RBFOX1: variants seen among roughly 807,000 people sequenced by gnomAD.
RBFOX1 encodes RNA binding fox-1 homolog 1.
Under a neutral mutation model 57.7 loss-of-function variants are expected in RBFOX1, and 8 were observed. That is an observed-to-expected ratio of 0.14 (90% CI 0.08 to 0.25). The LOEUF (loss-of-function observed/expected upper bound fraction) is 0.25. RBFOX1 is among the 10% of genes least tolerant of loss of function. The pLI is 1.00. For synonymous variants in RBFOX1, 326 were observed against 222.4 expected (o/e 1.47, Z -4.15); for missense variants, 611 against 548.5 (o/e 1.11, Z -1.14).
At chr16:7,333,784 A>G (rs1469242829) in intron 4 of RBFOX1, among the ~76,000 whole-genome samples, 5 of 151,578 alleles carry the variant, frequency 3.3e-5, no homozygotes, top group Admixed American at 2.6e-4. Flanking sequence ...TTTCCCCCTC[A>G]TCATAAGGTT....
chr16:5,467,111 C>T (rs1172911280), intron 1 of RBFOX1: 1 of 1,266,402 alleles, frequency 7.9e-7, no homozygotes, highest in Non-Finnish European at 1.1e-6. Flanking sequence ...ATAAAACATT[C>T]TTTTTTAAAT....
intron 3 of RBFOX1, among the ~76,000 whole-genome samples, chr16:5,832,779 A>T (rs2056324825): frequency 6.6e-6 from 1 of 152,198 alleles, no homozygotes; most frequent in South Asian, 2.1e-4. Context: ...AACAGGAACC[A>T]AAGATGTTCT....
chr16:6,636,444 A>G (rs981302714), intron 2 of RBFOX1, among the ~76,000 whole-genome samples: 8 of 152,114 alleles, frequency 5.3e-5, no homozygotes, highest in African/African-American at 9.7e-5. Flanking sequence ...TGCTGGGATT[A>G]CAGGCGTGAG....
At chr16:6,691,009 A>G (rs903214405) in intron 3 of RBFOX1, among the ~76,000 whole-genome samples, 1 of 152,170 alleles carries the variant, frequency 6.6e-6, no homozygotes. Context: ...AACAAGTACC[A>G]GCGCTTGCAG....
chr16:7,663,004 A>G (rs1217579081), intron 12 of RBFOX1, among the ~76,000 whole-genome samples: 3 of 152,202 alleles, frequency 2.0e-5, no homozygotes, highest in Non-Finnish European at 2.9e-5. Flanking sequence ...AGGATACTAG[A>G]ATAAAGGGCA....
intron 4 of RBFOX1, among the ~76,000 whole-genome samples, chr16:7,191,932 A>C (rs1215766126): frequency 6.6e-6 from 1 of 152,212 alleles, no homozygotes; most frequent in East Asian, 1.9e-4. Context: ...TCATTGTGAT[A>C]ATAATTTATT....
chr16:5,433,821 C>T (rs780386041), intron 1 of RBFOX1, among the ~76,000 whole-genome samples: 14 of 152,144 alleles, frequency 9.2e-5, no homozygotes, highest in Non-Finnish European at 7.4e-5. Flanking sequence ...ATGGTGCATA[C>T]CAGCACAGTA....
At chr16:6,373,673 A>G (rs560618128) in intron 2 of RBFOX1, among the ~76,000 whole-genome samples, 33 of 152,194 alleles carry the variant, frequency 2.2e-4, no homozygotes, top group African/African-American at 7.0e-4. Flanking sequence ...ATACAGTTGG[A>G]TGGAAGAATG....
intron 2 of RBFOX1, among the ~76,000 whole-genome samples, chr16:5,479,490 G>A (rs2677800): frequency 0.78 from 119,077 of 152,084 alleles, 46,651 homozygotes; most frequent in Middle Eastern, 0.88. Context: ...CAGGCATGGT[G>A]GCTCATGCTT....
At chr16:6,717,547 G>A (rs557420019) in intron 3 of RBFOX1, among the ~76,000 whole-genome samples, 2 of 150,862 alleles carry the variant, frequency 1.3e-5, no homozygotes, top group South Asian at 4.2e-4. Context: ...TCAACCTGAT[G>A]AATTAAGATA....
intron 2 of RBFOX1, among the ~76,000 whole-genome samples, chr16:6,558,468 T>C (rs946516331): frequency 5.3e-5 from 8 of 152,132 alleles, no homozygotes; most frequent in Non-Finnish European, 8.8e-5. Context: ...GGAAGCTTTT[T>C]GAACTGTATG....
chr16:5,308,120 A>T (rs544826244), intron 1 of RBFOX1, among the ~76,000 whole-genome samples: 1 of 152,286 alleles, frequency 6.6e-6, no homozygotes, highest in Non-Finnish European at 1.5e-5. Context: ...TGGGCGGATT[A>T]CTTGAAGTCA....
At chr16:7,093,090 A>G (rs2061134766) in intron 4 of RBFOX1, among the ~76,000 whole-genome samples, 1 of 152,222 alleles carries the variant, frequency 6.6e-6, no homozygotes, top group Admixed American at 6.5e-5. Context: ...AGTGCTTTAC[A>G]GCAAAATGCC....
chr16:6,224,409 GT>G (rs1304423011), intron 1 of RBFOX1, among the ~76,000 whole-genome samples: 2 of 152,018 alleles, frequency 1.3e-5, no homozygotes, highest in Non-Finnish European at 2.9e-5. Flanking sequence ...CCTTGAAGAG[GT>G]CCTTCATGTC....
At chr16:5,652,788 A>G (rs1352448778) in intron 3 of RBFOX1, among the ~76,000 whole-genome samples, 2 of 152,240 alleles carry the variant, frequency 1.3e-5, no homozygotes, top group Admixed American at 6.5e-5. Context: ...CCCTGGGTGG[A>G]TTACAGATCT....
chr16:5,414,196 C>A (rs940957321), intron 1 of RBFOX1, among the ~76,000 whole-genome samples: 3 of 152,110 alleles, frequency 2.0e-5, no homozygotes, highest in African/African-American at 7.2e-5. Context: ...TGATTGGCTA[C>A]AAGCTGAGGA....
intron 3 of RBFOX1, among the ~76,000 whole-genome samples, chr16:6,942,011 T>G (rs2078623052): frequency 6.6e-6 from 1 of 152,000 alleles, no homozygotes; most frequent in Non-Finnish European, 1.5e-5. Context: ...GGCAGATAAT[T>G]TGAAATTAGG....
intron 1 of RBFOX1, among the ~76,000 whole-genome samples, chr16:5,456,395 C>G (rs1231131958): frequency 6.6e-6 from 1 of 152,180 alleles, no homozygotes; most frequent in Non-Finnish European, 1.5e-5. Flanking sequence ...GGGTTACCTT[C>G]TTTTCGGGGA....
intron 4 of RBFOX1, among the ~76,000 whole-genome samples, chr16:7,163,637 T>C (rs528950941): frequency 1.3e-5 from 2 of 152,208 alleles, no homozygotes; most frequent in African/African-American, 4.8e-5. Flanking sequence ...GTTTTATTTA[T>C]GTGTTTTTCT....
Sources: gnomAD v4.1 joint callset for allele counts (sites outside exome capture counted in the v4.1 genomes callset) on GRCh38, gnomAD v4.1.1 for gene constraint, MANE v1.5 for transcripts, NCBI Gene and HGNC (gene_info 2026-07-23, HGNC 2026-07-21) for gene names.